Variants in CSMD1 observed in about 807,000 individuals in gnomAD.
CSMD1 encodes CUB and sushi domain-containing protein 1.
In CSMD1, 213 loss-of-function variants were observed where a neutral mutation model predicts 417.5. That is an observed-to-expected ratio of 0.51 (90% CI 0.46 to 0.57). The LOEUF is 0.57. Among genes scored for constraint, CSMD1 ranks in the 20% least tolerant of loss-of-function variants. The pLI, the probability that CSMD1 is intolerant of heterozygous loss-of-function variation, is 0.00. For missense variants in CSMD1, 6,923 were observed against 4,529.7 expected (o/e 1.53, Z -15.17); for synonymous variants, 2,862 against 1,736.8 (o/e 1.65, Z -16.11).
chr8:3,311,389 A>G (rs1013171416), intron 23 of CSMD1, among the ~76,000 whole-genome samples: 5 of 152,140 alleles, frequency 3.3e-5, no homozygotes, highest in African/African-American at 1.2e-4. Context: ...AGCTGGGACT[A>G]TAAGTGCGAG....
rs572926158 is a variant in CSMD1 at position 4,035,866 on chromosome 8, A to T, written c.416-3767T>A. 1.6e-3 allele frequency among the ~76,000 whole-genome samples: 245 copies of T among 152,334 alleles called. 3 individuals are homozygous for T. The highest frequency in any genetic ancestry group is 0.012 in the South Asian group (56 of 4,830). On this transcript the variant is annotated intron_variant, in intron 3 of 69. Coordinates refer to ENST00000635120, the MANE Select transcript of CSMD1 (RefSeq NM_033225.6). ...GTTTATGAAGTCTACAGTCGTACAT[A>T]GTCCCGTCCGAAGCCTTCACAGTCA...
chr8:3,991,475 ATATC>A (rs1814746166), intron 5 of CSMD1, among the ~76,000 whole-genome samples: 2 of 152,184 alleles, frequency 1.3e-5, no homozygotes, highest in African/African-American at 4.8e-5. Context: ...AAGCCTGATA[ATATC>A]TATCATTATG....
intron 57 of CSMD1, among the ~76,000 whole-genome samples, chr8:2,968,577 GT>G (rs1407978815): frequency 6.6e-6 from 1 of 152,154 alleles, no homozygotes; most frequent in Admixed American, 6.6e-5. Context: ...TTCATGATTA[GT>G]TTTTTTCTCT....
intron 28 of CSMD1, among the ~76,000 whole-genome samples, chr8:3,220,855 C>T (rs538759627): frequency 1.3e-5 from 2 of 152,148 alleles, no homozygotes; most frequent in South Asian, 4.1e-4. Flanking sequence ...AACCAACCAA[C>T]CAAGCAACCA....
chr8:3,830,093 G>A (rs973636597), intron 5 of CSMD1, among the ~76,000 whole-genome samples: 8 of 152,040 alleles, frequency 5.3e-5, no homozygotes, highest in South Asian at 2.1e-4. Flanking sequence ...TTCTGTGCCC[G>A]TTTTCTTGAC....
intron 1 of CSMD1, among the ~76,000 whole-genome samples, chr8:4,971,564 A>T (rs1167414713): frequency 6.6e-6 from 1 of 152,000 alleles, no homozygotes; most frequent in Non-Finnish European, 1.5e-5. Context: ...CCAGAAATAT[A>T]TTTAGCAGTA....
intron 3 of CSMD1, among the ~76,000 whole-genome samples, chr8:4,051,210 T>G (rs879581181): frequency 1.3e-5 from 2 of 151,042 alleles, no homozygotes; most frequent in African/African-American, 2.4e-5. Flanking sequence ...GAGCACAGCC[T>G]CCCAGGGACC....
chr8:4,057,346 T>C (rs1037997745), intron 3 of CSMD1, among the ~76,000 whole-genome samples: 2 of 152,164 alleles, frequency 1.3e-5, no homozygotes, highest in Admixed American at 1.3e-4. Context: ...GAGAAGTGTC[T>C]GTTCATGTCC....
intron 2 of CSMD1, among the ~76,000 whole-genome samples, chr8:4,480,884 A>T (rs888840908): frequency 6.6e-5 from 10 of 152,154 alleles, no homozygotes; most frequent in Non-Finnish European, 1.0e-4. Flanking sequence ...AAAGATCTAG[A>T]TTCCTGGGGT....
At chr8:4,537,135 G>A (rs957157367) in intron 2 of CSMD1, among the ~76,000 whole-genome samples, 2 of 152,068 alleles carry the variant, frequency 1.3e-5, no homozygotes, top group Non-Finnish European at 2.9e-5. Flanking sequence ...ATGTAAAACT[G>A]TATTACAATT....
At chr8:3,764,778 A>C (rs1798184509) in intron 5 of CSMD1, among the ~76,000 whole-genome samples, 1 of 134,942 alleles carries the variant, frequency 7.4e-6, no homozygotes, top group African/African-American at 2.8e-5. Context: ...AGACATTCTC[A>C]CTCTGTTGCC....
At chr8:3,517,988 A>G (rs1797351878) in intron 10 of CSMD1, among the ~76,000 whole-genome samples, 1 of 152,206 alleles carries the variant, frequency 6.6e-6, no homozygotes, top group South Asian at 2.1e-4. Flanking sequence ...ATAATCATAT[A>G]AATCATGTAG....
Position 3,666,736 on chromosome 8 carries a change from C to G in CSMD1, c.1009+41678G>C, listed in dbSNP as rs541072216. 9.2e-5 allele frequency among the ~76,000 whole-genome samples: 14 copies of G among 152,318 alleles called. No individual in the cohort carries two copies. The East Asian group carries it at 2.7e-3, about 29-fold the overall frequency. ...AAGGGGAAACCCCTTTGGCTTGGCT[C>G]TCATTCTGTCTTCTATGCCTCCATG... On this transcript the variant is annotated intron_variant, in intron 7 of 69. Transcript: ENST00000635120.
At chr8:4,887,852 G>T (rs555107548) in intron 1 of CSMD1, among the ~76,000 whole-genome samples, 1 of 151,882 alleles carries the variant, frequency 6.6e-6, no homozygotes. Flanking sequence ...AGCCACTCCA[G>T]CTTTTGCATG....
chr8:3,604,747 G>C (rs1801528349), intron 8 of CSMD1, among the ~76,000 whole-genome samples: 1 of 152,068 alleles, frequency 6.6e-6, no homozygotes. Context: ...AGTGCCCTTG[G>C]ACACATGGGC....
intron 2 of CSMD1, among the ~76,000 whole-genome samples, chr8:4,470,932 T>G (rs1466893611): frequency 2.0e-5 from 3 of 152,182 alleles, no homozygotes; most frequent in Admixed American, 6.5e-5. Context: ...TAAATAAGTA[T>G]TTTTGGGATT....
intron 10 of CSMD1, among the ~76,000 whole-genome samples, chr8:3,563,367 G>T (rs1420449053): frequency 7.6e-6 from 1 of 132,402 alleles, no homozygotes; most frequent in African/African-American, 2.9e-5. Context: ...TTGTATTTAA[G>T]TACGACAAAT....
intron 40 of CSMD1, among the ~76,000 whole-genome samples, chr8:3,148,848 T>TG (rs1819012198): frequency 6.6e-6 from 1 of 152,222 alleles, no homozygotes; most frequent in African/African-American, 2.4e-5. Context: ...TTAGAGGTTA[T>TG]AGAATTTATC....
intron 1 of CSMD1, among the ~76,000 whole-genome samples, chr8:4,809,480 G>A (rs764445796): frequency 6.6e-6 from 1 of 152,042 alleles, no homozygotes; most frequent in African/African-American, 2.4e-5. Flanking sequence ...AGACTTCCAG[G>A]GGATTGCCAA....
Sources: allele counts gnomAD v4.1 joint callset (sites outside exome capture counted in the v4.1 genomes callset), GRCh38; gene constraint gnomAD v4.1.1; transcripts MANE v1.5; gene names NCBI Gene and HGNC (gene_info 2026-07-23, HGNC 2026-07-21).